Variants in ADCY1 observed in about 807,000 individuals in gnomAD.
ADCY1 encodes the protein adenylate cyclase 1, also known as adenylate cyclase type 1.
In ADCY1, 28 loss-of-function variants were observed where a neutral mutation model predicts 105.4. That is an observed-to-expected ratio of 0.27 (90% CI 0.20 to 0.36). The LOEUF (loss-of-function observed/expected upper bound fraction) is 0.36, where lower values mean the gene tolerates loss of function less well. Ranked by LOEUF, ADCY1 falls within the 10% of genes least tolerant of loss-of-function variation. The pLI is 1.00. For synonymous variants in ADCY1, 655 were observed against 623.8 expected, an observed-to-expected ratio of 1.05 and a Z score of -0.75; for missense variants, 977 against 1,434.2, an observed-to-expected ratio of 0.68 and a Z score of 5.15.
Position 45,716,504 on chromosome 7 carries a change from G to A in ADCY1, c.*2509G>A, listed in dbSNP as rs1318257564. 2 of 153,194 alleles carry A rather than the reference G, an allele frequency of 1.3e-5. No homozygotes were observed. Among genetic ancestry groups the A allele is most frequent in the African/African-American group, 4.8e-5 (2 of 41,482 alleles). 9.5% of individuals were successfully genotyped at this position (153,194 alleles called of 1,614,324 possible). A position where few individuals can be genotyped will look rare whatever the true frequency, so the allele number is the denominator to read the frequency against. On this transcript the variant is annotated 3_prime_UTR_variant, in exon 20 of 20. Coordinates refer to ENST00000297323, the MANE Select transcript of ADCY1 (RefSeq NM_021116.4). ...CAGGGAGCCTGTGAGGGAGTAGTGC[G>A]GTGGTGGTGAGTGTGGCTGCCCTGG...
intron 5 of ADCY1, among the ~76,000 whole-genome samples, chr7:45,653,225 C>G (rs553422152): frequency 6.6e-6 from 1 of 152,264 alleles, no homozygotes; most frequent in East Asian, 1.9e-4. Flanking sequence ...GGACATGTTC[C>G]TTTTGTCTTG....
Position 45,589,429 on chromosome 7 carries a change from C to T in ADCY1, c.640-3330C>T, listed in dbSNP as rs73318954. Among the ~76,000 whole-genome samples, 464 of 152,332 alleles carry T rather than the reference C, an allele frequency of 3.0e-3. 2 individuals carry two copies. The highest frequency in any genetic ancestry group is 0.011 in the African/African-American group (444 of 41,574). The stretch of plus-strand genomic sequence containing the variant: ...CCCTGCAGCCCTCATCTCTGAGTAG[C>T]TCGTGGTGACCCGAGCCTGCCTTTC... On this transcript the variant is annotated intron_variant, in intron 1 of 19. Transcript: ENST00000297323.
rs143469355 is a variant in ADCY1, at chr7:45,666,252, A to G, written c.1605+4038A>G. Among the ~76,000 whole-genome samples the G allele has an allele frequency of 2.7e-3, 413 of 152,278 alleles. 4 individuals carry two copies. The highest frequency in any genetic ancestry group is 9.1e-3 in the African/African-American group (377 of 41,538). On this transcript the variant is annotated intron_variant, in intron 8 of 19. Transcript: ENST00000297323. ...CTGCACCCATTAACTCGTCATTTAC[A>G]TTAGGTATATCTCCTAATGCTATCC...
chr7:45,629,430 T>A (rs1034854595), intron 4 of ADCY1, among the ~76,000 whole-genome samples: 5 of 152,190 alleles, frequency 3.3e-5, no homozygotes, highest in Admixed American at 3.3e-4. Flanking sequence ...CATGTACAAG[T>A]CTATGTATGG....
intron 5 of ADCY1, among the ~76,000 whole-genome samples, chr7:45,655,422 C>T (rs1034385006): frequency 6.6e-6 from 1 of 152,150 alleles, no homozygotes; most frequent in African/African-American, 2.4e-5. Context: ...AAACATAGTA[C>T]AAATAAAGCC....
intron 14 of ADCY1, among the ~76,000 whole-genome samples, chr7:45,695,049 C>T (rs1279002191): frequency 6.6e-6 from 1 of 152,230 alleles, no homozygotes; most frequent in Non-Finnish European, 1.5e-5. Context: ...GCCCTCTAGC[C>T]TTGTCAAATC....
At chr7:45,592,734 A>G (rs1190871105) in intron 1 of ADCY1, 25 bp from the exon 2 acceptor site, 3 of 1,613,500 alleles carry the variant, frequency 1.9e-6, no homozygotes, top group Non-Finnish European at 2.5e-6. Flanking sequence ...CAGGCTCCAC[A>G]TGTTGCCTCC....
chr7:45,617,378 G>A (rs1046130103), intron 3 of ADCY1, among the ~76,000 whole-genome samples: 14 of 152,202 alleles, frequency 9.2e-5, no homozygotes, highest in Admixed American at 7.8e-4. Context: ...GGGCCGAGTT[G>A]CAGGCTAGGC....
At chr7:45,595,230 C>T (rs1030868611) in intron 2 of ADCY1, among the ~76,000 whole-genome samples, 3 of 152,200 alleles carry the variant, frequency 2.0e-5, no homozygotes, top group African/African-American at 7.2e-5. Flanking sequence ...CCAGGCCAAC[C>T]ACTGCATCAG....
At chr7:45,674,559 A>G (rs1384600103) in intron 8 of ADCY1, among the ~76,000 whole-genome samples, 1 of 152,068 alleles carries the variant, frequency 6.6e-6, no homozygotes, top group Non-Finnish European at 1.5e-5. Context: ...TTTTTAGTGG[A>G]GACGGGGTTT....
rs746570916 is a variant in ADCY1 at position 45,677,908 on chromosome 7, C to A, written c.1645C>A (p.Arg549Ser). ...LRTASEKLRN[R>S]SSFSTNVVYT... Reference sequence around the variant, plus strand: ...AACAGCCTCGGAAAAACTCAGAAACCGCTCATCTTTTTCTACCAACGTTGT... The same window carrying A: ...AACAGCCTCGGAAAAACTCAGAAACAGCTCATCTTTTTCTACCAACGTTGT... Residue 549 changes from arginine to serine, a missense_variant, in exon 9 of 20, where the codon CGC (arginine) becomes AGC (serine). This residue lies in a region of ADCY1 where 275 missense variants were observed against 362.1 expected (regional missense o/e 0.76). Transcript: ENST00000297323. 1.2e-6 allele frequency: 2 copies of A among 1,614,028 alleles called. No homozygotes were observed. The highest frequency in any genetic ancestry group is 3.3e-5 in the Admixed American group (2 of 60,006).
intron 1 of ADCY1, among the ~76,000 whole-genome samples, chr7:45,586,680 C>T (rs554814793): frequency 1.1e-4 from 16 of 152,320 alleles, no homozygotes; most frequent in South Asian, 2.1e-4. Context: ...AGCACTCAGC[C>T]GCTGGTGAGC....
intron 4 of ADCY1, among the ~76,000 whole-genome samples, chr7:45,638,787 A>G (rs1220416868): frequency 1.3e-5 from 2 of 152,182 alleles, no homozygotes; most frequent in Admixed American, 6.5e-5. Flanking sequence ...GGGGCATTAT[A>G]TGCAGGAAAG....
intron 4 of ADCY1, among the ~76,000 whole-genome samples, chr7:45,639,711 G>T (rs950572731): frequency 1.3e-5 from 2 of 152,188 alleles, no homozygotes; most frequent in Non-Finnish European, 1.5e-5. Flanking sequence ...GTTTCCTGGC[G>T]CATGCCAGAG....
chr7:45,607,549 T>C (rs1793411660), intron 2 of ADCY1, among the ~76,000 whole-genome samples: 1 of 152,178 alleles, frequency 6.6e-6, no homozygotes, highest in Admixed American at 6.5e-5. Context: ...ATAACCCGGG[T>C]ACTAAAGCAT....
intron 1 of ADCY1, among the ~76,000 whole-genome samples, chr7:45,581,057 T>C (rs757723467): frequency 1.3e-5 from 2 of 152,170 alleles, no homozygotes; most frequent in African/African-American, 4.8e-5. Context: ...CTGGTGGGCA[T>C]GTGAGGTGGG....
intron 17 of ADCY1, among the ~76,000 whole-genome samples, chr7:45,706,928 C>T (rs890415364): frequency 5.5e-4 from 84 of 152,258 alleles, no homozygotes; most frequent in African/African-American, 1.8e-3. Context: ...AAAAGAGATG[C>T]AGATGACAGA....
intron 14 of ADCY1, among the ~76,000 whole-genome samples, chr7:45,696,205 G>A (rs1784877761): frequency 6.7e-6 from 1 of 149,740 alleles, no homozygotes; most frequent in Non-Finnish European, 1.5e-5. Flanking sequence ...TTGGGAGGCC[G>A]AGGCGGGCGG....
At chr7:45,701,558 C>T (rs975910764) in intron 14 of ADCY1, among the ~76,000 whole-genome samples, 3 of 152,152 alleles carry the variant, frequency 2.0e-5, no homozygotes, top group African/African-American at 7.2e-5. Flanking sequence ...TAAAACAAAG[C>T]TATTATTTTA....
Sources: allele counts gnomAD v4.1 joint callset (sites outside exome capture counted in the v4.1 genomes callset), GRCh38; gene constraint gnomAD v4.1.1; regional missense constraint gnomAD v4.1.1; transcripts MANE v1.5; gene names NCBI Gene and HGNC (gene_info 2026-07-23, HGNC 2026-07-21).